The following LMLN variants were observed in gnomAD, a reference collection of about 807,000 sequenced individuals.
LMLN encodes leishmanolysin like peptidase.
LMLN carries 70 observed loss-of-function variants against 92.3 expected under a neutral mutation model. The ratio of observed to expected loss-of-function variants is 0.76; its 90% CI spans 0.63 to 0.92. The LOEUF is 0.92. Ranked by LOEUF, LMLN falls within the 40% of genes least tolerant of loss-of-function variation. The pLI, the probability that LMLN is intolerant of heterozygous loss-of-function variation, is 0.00. For missense variants in LMLN, 691 were observed against 814.6 expected, an observed-to-expected ratio of 0.85 and a Z score of 1.85; for synonymous variants, 308 against 296.2, an observed-to-expected ratio of 1.04 and a Z score of -0.41.
At chr3:197,976,688 C>G in exon 5 of LMLN, 2 of 1,555,502 alleles carry the variant, frequency 1.3e-6, no homozygotes, top group South Asian at 1.2e-5. Flanking sequence ...AGTGCGGCCC[C>G]GTTATTGTTC....
At chr3:197,966,696 A>T (rs1318786861) in intron 1 of LMLN, among the ~76,000 whole-genome samples, 2 of 152,078 alleles carry the variant, frequency 1.3e-5, no homozygotes, top group African/African-American at 4.8e-5. Flanking sequence ...TCAGCCTTGC[A>T]TTCTTGAGAT....
At chr3:198,015,954 C>G (rs1198756095) in intron 11 of LMLN, among the ~76,000 whole-genome samples, 1 of 152,024 alleles carries the variant, frequency 6.6e-6, no homozygotes, top group Non-Finnish European at 1.5e-5. Flanking sequence ...CCTGTAATCC[C>G]AGCAGTTTGG....
chr3:198,031,304 C>T lies in LMLN; in HGVS notation c.1657-4529C>T, dbSNP rs985554730. On this transcript the variant is annotated intron_variant, in intron 14 of 15. Transcript: ENST00000330198. This position sits in a 1 kb window ranked among gnomAD's most constrained non-coding sequence, Gnocchi z 4.8. The stretch of plus-strand genomic sequence containing the variant: ...TTTGTACCAAATTCTTTGGCTTTGA[C>T]TCCCCATATTGGTGATAAAAATGTT... Among the ~76,000 whole-genome samples the T allele has an allele frequency of 6.6e-6, 1 of 152,164 alleles. No individual in the cohort carries two copies. Among genetic ancestry groups the T allele is most frequent in the African/African-American group, 2.4e-5 (1 of 41,422 alleles).
At chr3:197,970,133 T>TAG (rs1406851510) in intron 1 of LMLN, among the ~76,000 whole-genome samples, 3 of 151,900 alleles carry the variant, frequency 2.0e-5, no homozygotes, top group African/African-American at 7.3e-5. Flanking sequence ...GCCTGGGCAA[T>TAG]AGAGAGAGAC....
Position 198,003,131 on chromosome 3 carries a change from A to T in LMLN, c.1232+3789A>T, listed in dbSNP as rs1424350603. ...ATTGATCAGCAGAGACAAAAGTAAG[A>T]ATGCATTTCCTCACAGTGTCACTGA... On this transcript the variant is annotated intron_variant, in intron 11 of 15. Transcript: ENST00000330198. 4.7e-6 allele frequency: 7 copies of T among 1,475,526 alleles called. No homozygotes were observed. In the East Asian group the frequency reaches 1.2e-4, roughly 26 times the overall value. The allele number at this position is 1,475,526 out of a possible 1,614,324, so 91.4% of individuals were successfully genotyped here. A position where few individuals can be genotyped will look rare whatever the true frequency, so the allele number is the denominator to read the frequency against.
At chr3:198,008,900 A>C (rs1276092330) in intron 11 of LMLN, among the ~76,000 whole-genome samples, 1 of 152,144 alleles carries the variant, frequency 6.6e-6, no homozygotes, top group Non-Finnish European at 1.5e-5. Flanking sequence ...ACCACTGTAT[A>C]ATTTAGAAGT....
intron 1 of LMLN, among the ~76,000 whole-genome samples, chr3:197,965,295 A>G (rs1187006863): frequency 6.6e-6 from 1 of 152,206 alleles, no homozygotes; most frequent in Non-Finnish European, 1.5e-5. Context: ...CTGGGATTAC[A>G]AGCGTGAGCC....
intron 14 of LMLN, among the ~76,000 whole-genome samples, chr3:198,029,789 T>C (rs1723029821): frequency 6.6e-6 from 1 of 152,200 alleles, no homozygotes; most frequent in Non-Finnish European, 1.5e-5. Context: ...GTTGTTTTGT[T>C]GGGGGTGGAG....
At chr3:197,976,187 G>A in intron 4 of LMLN, 76 bp downstream of exon 4, 1 of 829,464 alleles carries the variant, frequency 1.2e-6, no homozygotes, top group East Asian at 2.7e-5. Flanking sequence ...AACATGGCAA[G>A]GTATGAAACT....
At chr3:198,032,364 C>T (rs2109954223) in intron 14 of LMLN, among the ~76,000 whole-genome samples, 1 of 152,296 alleles carries the variant, frequency 6.6e-6, no homozygotes, top group Non-Finnish European at 1.5e-5. Context: ...ATGATGGCAT[C>T]CCAGCTCTCT....
intron 11 of LMLN, among the ~76,000 whole-genome samples, chr3:198,015,276 C>T (rs1242865385): frequency 6.7e-5 from 6 of 89,242 alleles, no homozygotes; most frequent in Non-Finnish European, 7.0e-5. Flanking sequence ...GACTTCTCTC[C>T]ACCCTTCAGA....
At chr3:197,991,648 C>T (rs1721874587) in intron 9 of LMLN, among the ~76,000 whole-genome samples, 1 of 152,136 alleles carries the variant, frequency 6.6e-6, no homozygotes, top group African/African-American at 2.4e-5. Flanking sequence ...TGCAATGTTA[C>T]TCTCATTCCA....
chr3:198,024,316 C>T (rs941326285), intron 13 of LMLN, among the ~76,000 whole-genome samples: 5 of 150,966 alleles, frequency 3.3e-5, no homozygotes, highest in Admixed American at 6.6e-5. Context: ...CCCGGGTTCA[C>T]GCCATTCTCC....
chr3:197,998,382 A>G (rs1248368418), intron 10 of LMLN, among the ~76,000 whole-genome samples: 1 of 152,222 alleles, frequency 6.6e-6, no homozygotes, highest in Non-Finnish European at 1.5e-5. Flanking sequence ...AAACTTACGG[A>G]AGGGACGTAC....
intron 11 of LMLN, chr3:197,999,576 G>A: frequency 4.1e-6 from 2 of 491,554 alleles, no homozygotes; most frequent in South Asian, 2.4e-5. Flanking sequence ...TTCTGCGCAG[G>A]CTGGAGTGCA....
At chr3:197,989,861 A>C (rs761863458) in intron 8 of LMLN, among the ~76,000 whole-genome samples, 2 of 152,162 alleles carry the variant, frequency 1.3e-5, no homozygotes, top group Non-Finnish European at 2.9e-5. Context: ...TGTCCCAACA[A>C]AAAATAAAAA....
chr3:197,979,293 A>C (rs1411225351), intron 5 of LMLN, among the ~76,000 whole-genome samples: 3 of 151,980 alleles, frequency 2.0e-5, no homozygotes, highest in Admixed American at 6.6e-5. Flanking sequence ...TAATTTACTG[A>C]TTTTTCTGTT....
intron 11 of LMLN, among the ~76,000 whole-genome samples, chr3:198,016,431 T>A (rs1215267456): frequency 6.6e-6 from 1 of 152,186 alleles, no homozygotes; most frequent in Non-Finnish European, 1.5e-5. Context: ...TTTTGCTGCT[T>A]ATGAAAATCG....
chr3:198,027,072 G>A (rs895165174), intron 14 of LMLN, among the ~76,000 whole-genome samples: 1 of 152,102 alleles, frequency 6.6e-6, no homozygotes, highest in Non-Finnish European at 1.5e-5. Context: ...TGATACCAAA[G>A]CATTTATTTT....
Sources: gnomAD v4.1 joint callset for allele counts (sites outside exome capture counted in the v4.1 genomes callset) on GRCh38, gnomAD v4.1.1 for gene constraint, Gnocchi (gnomAD v3.1) non-coding constraint, MANE v1.5 for transcripts, NCBI Gene and HGNC (gene_info 2026-07-23, HGNC 2026-07-21) for gene names.